PTPRG: variants seen among roughly 807,000 people sequenced by gnomAD.
The protein encoded by PTPRG is receptor-type tyrosine-protein phosphatase gamma.
In PTPRG, 102 loss-of-function variants were observed where a neutral mutation model predicts 165.3. That is an observed-to-expected ratio of 0.62 (90% CI 0.53 to 0.73). PTPRG has a LOEUF of 0.73. PTPRG is among the 30% of genes least tolerant of loss of function. The pLI is 0.00. For missense variants in PTPRG, 1,866 were observed against 1,861.4 expected, an observed-to-expected ratio of 1.00 and a Z score of -0.05; for synonymous variants, 675 against 669.5, an observed-to-expected ratio of 1.01 and a Z score of -0.13.
chr3:62,166,250 T>C (rs924226049), intron 7 of PTPRG, among the ~76,000 whole-genome samples: 1 of 137,836 alleles, frequency 7.3e-6, no homozygotes, highest in Non-Finnish European at 1.5e-5. Context: ...AAGAATAACT[T>C]TGTGGCCTGT....
intron 10 of PTPRG, among the ~76,000 whole-genome samples, chr3:62,197,367 C>T (rs1699991019): frequency 6.6e-6 from 1 of 152,154 alleles, no homozygotes; most frequent in Non-Finnish European, 1.5e-5. Flanking sequence ...TGCAAGGATC[C>T]CTTCTGGCTT....
chr3:62,153,791 C>T (rs533319574), intron 6 of PTPRG, among the ~76,000 whole-genome samples: 37 of 152,318 alleles, frequency 2.4e-4, no homozygotes, highest in Non-Finnish European at 4.9e-4. Flanking sequence ...TATGCTCACA[C>T]AGCTCACAGA....
At chr3:62,179,917 ACT>A (rs940980271) in intron 8 of PTPRG, among the ~76,000 whole-genome samples, 39 of 152,304 alleles carry the variant, frequency 2.6e-4, no homozygotes, top group African/African-American at 9.4e-4. Context: ...CTCCACCCAC[ACT>A]CAGCCAGAGC....
intron 13 of PTPRG, among the ~76,000 whole-genome samples, chr3:62,221,936 T>A (rs1430613585): frequency 6.6e-6 from 1 of 152,214 alleles, no homozygotes; most frequent in Admixed American, 6.5e-5. Flanking sequence ...GTTCAGTGAG[T>A]CCTTTTGAGT....
intron 2 of PTPRG, among the ~76,000 whole-genome samples, chr3:61,783,750 G>A (rs1239113463): frequency 6.6e-6 from 1 of 152,314 alleles, no homozygotes; most frequent in East Asian, 1.9e-4. Flanking sequence ...GGGCCACAGT[G>A]AGGTCCTAAG....
At chr3:61,634,112 C>T (rs7634513) in intron 1 of PTPRG, among the ~76,000 whole-genome samples, 2,575 of 151,776 alleles carry the variant, frequency 0.017, 57 homozygotes, top group African/African-American at 0.058. Context: ...GATGGGGTTT[C>T]GCCATATTGG....
intron 1 of PTPRG, among the ~76,000 whole-genome samples, chr3:61,738,971 CTTTTTTTTTTTTTTTTTTTGTT>C (rs1022801249): frequency 9.2e-5 from 4 of 43,688 alleles, no homozygotes; most frequent in Non-Finnish European, 1.8e-4. Context: ...TGCTCTGTTG[CTTTTTTTTTTTTTTTTTTTGTT>C]TTTTTTTTTT....
chr3:62,272,861 T>C, intron 21 of PTPRG, 85 bp from the exon 22 acceptor site: 1 of 1,341,168 alleles, frequency 7.5e-7, no homozygotes, highest in Non-Finnish European at 9.9e-7. Context: ...ATAAAATAAA[T>C]GGGGTTTAGA....
At chr3:61,572,375 G>C (rs190890309) in intron 1 of PTPRG, among the ~76,000 whole-genome samples, 14 of 152,254 alleles carry the variant, frequency 9.2e-5, no homozygotes, top group Admixed American at 2.6e-4. Flanking sequence ...TTTATGATTG[G>C]AGTGGTGGGG....
intron 16 of PTPRG, among the ~76,000 whole-genome samples, chr3:62,256,946 A>C (rs1455743851): frequency 1.3e-5 from 2 of 152,172 alleles, no homozygotes; most frequent in African/African-American, 2.4e-5. Context: ...CTGCAGCTAA[A>C]AGCTTTAATC....
chr3:61,762,365 A>G (rs2033876780), intron 2 of PTPRG, among the ~76,000 whole-genome samples: 1 of 152,148 alleles, frequency 6.6e-6, no homozygotes. Flanking sequence ...CGGCTCATGC[A>G]CTTTGGGAGG....
intron 2 of PTPRG, among the ~76,000 whole-genome samples, chr3:61,980,099 T>C (rs572984162): frequency 1.4e-4 from 22 of 152,206 alleles, no homozygotes; most frequent in African/African-American, 5.1e-4. Flanking sequence ...AACAAAACCT[T>C]GTGGAGCATG....
intron 2 of PTPRG, among the ~76,000 whole-genome samples, chr3:61,937,568 C>G (rs866447036): frequency 6.6e-6 from 1 of 152,098 alleles, no homozygotes; most frequent in Admixed American, 6.5e-5. Flanking sequence ...AATGTAAAAC[C>G]AACTTTACTC....
chr3:61,676,471 A>AAAAAG lies in PTPRG; in HGVS notation c.86-72404_86-72403insAGAAA, dbSNP rs369505317. Reference sequence around the variant, plus strand: ...GACTCCATCTCAAAAAAAAAAAAAAAAAAGAAAATTACTAAAGTCTGTGAA... The same window carrying AAAAAG: ...GACTCCATCTCAAAAAAAAAAAAAAAAAAAGAAAGAAAATTACTAAAGTCTGTGAA... On this transcript the variant is annotated intron_variant, in intron 1 of 29. Transcript: ENST00000474889. Among the ~76,000 whole-genome samples, 20 of 99,102 alleles carry AAAAAG rather than the reference A, an allele frequency of 2.0e-4. 2 individuals are homozygous for AAAAAG. Among genetic ancestry groups the AAAAAG allele is most frequent in the East Asian group, 3.7e-4 (1 of 2,704 alleles). The allele number at this position is 99,102 out of a possible 152,430, so 65.0% of individuals were successfully genotyped here.
At chr3:61,810,015 G>A (rs1394836210) in intron 2 of PTPRG, among the ~76,000 whole-genome samples, 2 of 152,158 alleles carry the variant, frequency 1.3e-5, no homozygotes, top group Non-Finnish European at 2.9e-5. Flanking sequence ...ATGGGGGGCT[G>A]GGAAACTGTT....
chr3:62,067,186 G>A (rs1423513860), intron 4 of PTPRG, among the ~76,000 whole-genome samples: 2 of 151,948 alleles, frequency 1.3e-5, no homozygotes, highest in Admixed American at 1.3e-4. Context: ...AATGTTTCAT[G>A]TTGACAGGGG....
chr3:61,620,803 G>A (rs1701428255), intron 1 of PTPRG, among the ~76,000 whole-genome samples: 2 of 151,600 alleles, frequency 1.3e-5, no homozygotes, highest in South Asian at 4.2e-4. Context: ...TAGTTTTTGT[G>A]TTTTTACTAG....
chr3:61,736,032 C>T (rs560443743), intron 1 of PTPRG, among the ~76,000 whole-genome samples: 5 of 151,796 alleles, frequency 3.3e-5, no homozygotes, highest in African/African-American at 7.3e-5. Context: ...CTCAGATTCC[C>T]GAGTAGCTGG....
In PTPRG at chr3:62,210,819, G is replaced by T. The variant is rs568534324; in HGVS notation, c.2155+6869G>T. 6.6e-6 allele frequency among the ~76,000 whole-genome samples: 1 copy of T among 152,074 alleles called. No individual in the cohort carries two copies. The highest frequency in any genetic ancestry group is 2.1e-4 in the South Asian group (1 of 4,812). On this transcript the variant is annotated intron_variant, in intron 12 of 29. Coordinates refer to ENST00000474889, the MANE Select transcript of PTPRG (RefSeq NM_002841.4). This position sits in a 1 kb window ranked among gnomAD's most constrained non-coding sequence, Gnocchi z 4.1. ...ACATTTTTTTCTAGCTTACTTTATTGTAAGAATATAGCATATAATACAAAT... is the reference window on the plus strand; with the variant it reads ...ACATTTTTTTCTAGCTTACTTTATTTTAAGAATATAGCATATAATACAAAT...
Sources: gnomAD v4.1 joint callset for allele counts (sites outside exome capture counted in the v4.1 genomes callset) on GRCh38, gnomAD v4.1.1 for gene constraint, Gnocchi (gnomAD v3.1) non-coding constraint, MANE v1.5 for transcripts, NCBI Gene and HGNC (gene_info 2026-07-23, HGNC 2026-07-21) for gene names.